The following KCNQ1 variants were observed in gnomAD, a reference collection of about 807,000 sequenced individuals.
KCNQ1 encodes the protein potassium voltage-gated channel subfamily KQT member 1.
A neutral mutation model predicts 72.4 loss-of-function variants in KCNQ1; 49 were observed. The ratio of observed to expected loss-of-function variants is 0.68; its 90% CI spans 0.54 to 0.86. KCNQ1 has a LOEUF of 0.86. KCNQ1 is among the 40% of genes least tolerant of loss of function. The pLI, the probability that KCNQ1 is intolerant of heterozygous loss-of-function variation, is 0.00. For synonymous variants in KCNQ1, 450 were observed against 412.6 expected, an observed-to-expected ratio of 1.09 and a Z score of -1.10; for missense variants, 790 against 945.1, an observed-to-expected ratio of 0.84 and a Z score of 2.15.
chr11:2,798,806 T>C lies in KCNQ1; in HGVS notation c.1794+20769T>C, dbSNP rs149332939. Among the ~76,000 whole-genome samples the C allele has an allele frequency of 2.6e-5, 4 of 152,276 alleles. No individual in the cohort carries two copies. The East Asian group carries it at 5.8e-4, about 22-fold the overall frequency. On this transcript the variant is annotated intron_variant, in intron 15 of 15. Coordinates refer to ENST00000155840, the MANE Select transcript of KCNQ1 (RefSeq NM_000218.3). Reference sequence around the variant, plus strand: ...CGTAGCAGAGAAAATTGTTTATAAATTGGTCGCGTTGTTTGAACTCTCGCC... The same window carrying C: ...CGTAGCAGAGAAAATTGTTTATAAACTGGTCGCGTTGTTTGAACTCTCGCC...
intron 6 of KCNQ1, among the ~76,000 whole-genome samples, chr11:2,573,775 T>A (rs1848377059): frequency 6.6e-6 from 1 of 152,054 alleles, no homozygotes; most frequent in Non-Finnish European, 1.5e-5. Flanking sequence ...GGGCAGGGTG[T>A]CTTGGGCCGT....
chr11:2,552,111 G>T (rs936108220), intron 2 of KCNQ1, among the ~76,000 whole-genome samples: 1 of 151,760 alleles, frequency 6.6e-6, no homozygotes, highest in Non-Finnish European at 1.5e-5. Context: ...AATTCATCAG[G>T]GTTCTTCTTT....
intron 10 of KCNQ1, chr11:2,628,561 G>A (rs973231827): frequency 2.5e-6 from 1 of 398,210 alleles, no homozygotes; most frequent in Non-Finnish European, 4.4e-6. Flanking sequence ...CAGATATATG[G>A]TTGGAAATAT....
intron 5 of KCNQ1, 34 bp downstream of exon 5, chr11:2,572,143 G>A (rs1236340546): frequency 6.6e-7 from 1 of 1,517,072 alleles, no homozygotes; most frequent in East Asian, 2.3e-5. Flanking sequence ...CGGGGCCCAG[G>A]TTGGGGACAG....
chr11:2,570,558 C>T, intron 2 of KCNQ1, 70 bp from the exon 3 acceptor site: 1 of 1,598,518 alleles, frequency 6.3e-7, no homozygotes, highest in South Asian at 1.1e-5. Context: ...TGGGTTCAAA[C>T]AGGTTGCAGG....
intron 2 of KCNQ1, among the ~76,000 whole-genome samples, chr11:2,553,487 A>AT (rs1196772409): frequency 4.0e-5 from 6 of 151,866 alleles, no homozygotes; most frequent in African/African-American, 1.4e-4. Context: ...TGGCTGTTGG[A>AT]TTTTTTGACA....
At position 2,621,640 on chromosome 11, in the gene KCNQ1, T is replaced by C. The variant is rs964522090; in HGVS notation, c.1393+32786T>C. ...TGGTTTTTTTCTAGGAATTTGTCCA[T>C]TTCCTCTAGGTTATCCAATTTGTTG... is the stretch of plus-strand genomic sequence containing the variant. On this transcript the variant is annotated intron_variant, in intron 10 of 15. Transcript: ENST00000155840. This position sits in a 1 kb window ranked among gnomAD's most constrained non-coding sequence, Gnocchi z 5.7. 1.3e-5 allele frequency: 5 copies of C among 398,426 alleles called. No homozygotes were observed. Among genetic ancestry groups the C allele is most frequent in the Non-Finnish European group, 2.2e-5 (5 of 226,028 alleles). 24.7% of individuals were successfully genotyped at this position (398,426 alleles called of 1,614,324 possible).
Position 2,661,474 on chromosome 11 carries a change from C to T in KCNQ1, c.1394-487C>T. On this transcript the variant is annotated intron_variant, in intron 10 of 15. Transcript: ENST00000155840. The surrounding 1 kb of genome is among the most constrained non-coding windows in gnomAD (Gnocchi z 5.9). Reference sequence around the variant, plus strand: ...TTGAGGAAGGAGTTCTGTGGCTGCCCCCACCTCCCAGGCTTGCCATTCCTC... The same window carrying T: ...TTGAGGAAGGAGTTCTGTGGCTGCCTCCACCTCCCAGGCTTGCCATTCCTC... The T allele has an allele frequency of 2.3e-6, 1 of 435,368 alleles. No homozygotes were observed. Among genetic ancestry groups the T allele is most frequent in the Non-Finnish European group, 4.0e-6 (1 of 247,468 alleles). The allele number at this position is 435,368 out of a possible 1,614,324, so 27.0% of individuals were successfully genotyped here. A position where few individuals can be genotyped will look rare whatever the true frequency, so the allele number is the denominator to read the frequency against.
In KCNQ1 at chr11:2,550,543, G is replaced by A. The variant is rs1359376059; in HGVS notation, c.478-20085G>A. Among the ~76,000 whole-genome samples the A allele has an allele frequency of 2.6e-5, 4 of 152,316 alleles. No individual in the cohort carries two copies. The highest frequency in any genetic ancestry group is 2.1e-4 in the South Asian group (1 of 4,824). ...GAGCTGATGCCTGACATGCATCCTCGCCTAGGCCAGAGTGCCAGGCAGGGT... is the reference window on the plus strand; with the variant it reads ...GAGCTGATGCCTGACATGCATCCTCACCTAGGCCAGAGTGCCAGGCAGGGT... On this transcript the variant is annotated intron_variant, in intron 2 of 15. Transcript: ENST00000155840. The surrounding 1 kb of genome is among the most constrained non-coding windows in gnomAD (Gnocchi z 6.0).
At chr11:2,489,786 A>G (rs1846804700) in intron 1 of KCNQ1, among the ~76,000 whole-genome samples, 1 of 152,142 alleles carries the variant, frequency 6.6e-6, no homozygotes, top group Non-Finnish European at 1.5e-5. Flanking sequence ...AAGGGAATCC[A>G]CTGCCTTGGA....
At chr11:2,632,648 A>G (rs1038680200) in intron 10 of KCNQ1, 6 of 398,278 alleles carry the variant, frequency 1.5e-5, no homozygotes, top group African/African-American at 1.2e-4. Flanking sequence ...CAACTCAAAT[A>G]TCATTTCTCT....
chr11:2,820,072 T>C (rs544988794), intron 15 of KCNQ1, among the ~76,000 whole-genome samples: 25 of 152,376 alleles, frequency 1.6e-4, no homozygotes, highest in African/African-American at 6.0e-4. Context: ...AAAATATTTT[T>C]CTATTTTGCT....
At chr11:2,587,721 G>C (rs991402263) in intron 9 of KCNQ1, 29 bp downstream of exon 9, 2 of 1,613,276 alleles carry the variant, frequency 1.2e-6, no homozygotes, top group African/African-American at 2.7e-5. Flanking sequence ...ACCAGGGCAG[G>C]GCCTTCTTGC....
At chr11:2,833,127 G>C (rs1213824497) in intron 15 of KCNQ1, among the ~76,000 whole-genome samples, 1 of 152,184 alleles carries the variant, frequency 6.6e-6, no homozygotes, top group Non-Finnish European at 1.5e-5. Flanking sequence ...CTGTGGGTGT[G>C]GGAGAACATG....
Position 2,668,076 on chromosome 11 carries a change from C to T in KCNQ1, c.1514+5995C>T, listed in dbSNP as rs1330586709. The T allele has an allele frequency of 5.0e-6, 2 of 398,488 alleles. No individual in the cohort carries two copies. The highest frequency in any genetic ancestry group is 8.8e-6 in the Non-Finnish European group (2 of 226,088). 24.7% of individuals were successfully genotyped at this position (398,488 alleles called of 1,614,324 possible). ...ACTTTATGCGGTGGGAATGATGCAACTCATACACCTTTGTGTCCAATGTCC... is the reference window on the plus strand; with the variant it reads ...ACTTTATGCGGTGGGAATGATGCAATTCATACACCTTTGTGTCCAATGTCC... On this transcript the variant is annotated intron_variant, in intron 11 of 15. Transcript: ENST00000155840. This position sits in a 1 kb window ranked among gnomAD's most constrained non-coding sequence, Gnocchi z 4.3.
Position 2,479,968 on chromosome 11 carries a change from AG to A in KCNQ1, c.386+34485del, listed in dbSNP as rs373524051. Among the ~76,000 whole-genome samples the A allele has an allele frequency of 6.6e-6, 1 of 152,358 alleles. No homozygotes were observed. Among genetic ancestry groups the A allele is most frequent in the African/African-American group, 2.4e-5 (1 of 41,574 alleles). On this transcript the variant is annotated intron_variant, in intron 1 of 15. Transcript: ENST00000155840. The surrounding 1 kb of genome is among the most constrained non-coding windows in gnomAD (Gnocchi z 4.6). ...TCAAAGTTCCACAAATCTCTAGGGC[AG>A]TGGTAAAATACTGCCAGTCTCTTTG...
rs1055638742 is a variant in KCNQ1 at position 2,661,608 on chromosome 11, C to T, written c.1394-353C>T. On this transcript the variant is annotated intron_variant, in intron 10 of 15. Transcript: ENST00000155840. This position sits in a 1 kb window ranked among gnomAD's most constrained non-coding sequence, Gnocchi z 5.9. ...CTGTTGTCCCTTACCAGGCCTGTGC[C>T]TGTCACCTCTGTTTTATTCTTGACC... 1 of 580,736 alleles carries T rather than the reference C, an allele frequency of 1.7e-6. No individual in the cohort carries two copies. The highest frequency in any genetic ancestry group is 3.1e-6 in the Non-Finnish European group (1 of 326,216). 36.0% of individuals were successfully genotyped at this position (580,736 alleles called of 1,614,324 possible).
chr11:2,760,548 G>A (rs549630121), intron 11 of KCNQ1, among the ~76,000 whole-genome samples: 11 of 152,274 alleles, frequency 7.2e-5, no homozygotes, highest in South Asian at 4.1e-4. Flanking sequence ...TGGGTGGTGC[G>A]GGCAGGGAGA....
At chr11:2,806,031 C>T (rs1273005104) in intron 15 of KCNQ1, among the ~76,000 whole-genome samples, 2 of 152,188 alleles carry the variant, frequency 1.3e-5, no homozygotes, top group Non-Finnish European at 2.9e-5. Context: ...GACAATTATG[C>T]AGCTTTCAGT....
Sources: gnomAD v4.1 joint callset for allele counts (sites outside exome capture counted in the v4.1 genomes callset) on GRCh38, gnomAD v4.1.1 for gene constraint, Gnocchi (gnomAD v3.1) non-coding constraint, MANE v1.5 for transcripts, NCBI Gene and HGNC (gene_info 2026-07-23, HGNC 2026-07-21) for gene names.